Variants in TRRAP observed in about 807,000 individuals in gnomAD.
TRRAP encodes the protein transformation/transcription domain associated protein.
In TRRAP, 41 loss-of-function variants were observed where a neutral mutation model predicts 438.8. That is an observed-to-expected ratio of 0.09 (90% CI 0.07 to 0.12). The LOEUF (loss-of-function observed/expected upper bound fraction) is 0.12, where lower values mean the gene tolerates loss of function less well. Ranked by LOEUF, TRRAP falls within the 10% of genes least tolerant of loss-of-function variation. The pLI, the probability that TRRAP is intolerant of heterozygous loss-of-function variation, is 1.00. For synonymous variants in TRRAP, 1,994 were observed against 1,962.9 expected (o/e 1.02, Z -0.42); for missense variants, 3,122 against 5,055.1 (o/e 0.62, Z 11.60).
At chr7:98,893,995 T>A in intron 6 of TRRAP, 114 bp downstream of exon 6, 1 of 908,496 alleles carries the variant, frequency 1.1e-6, no homozygotes, top group African/African-American at 1.7e-5. Context: ...AGTGTAGAAA[T>A]ACAGCCTAAG....
At position 98,959,416 on chromosome 7, in the gene TRRAP, A is replaced by T. The variant is rs1324324166; in HGVS notation, c.6415A>T (p.Thr2139Ser). 21 of 1,613,858 alleles carry T rather than the reference A, an allele frequency of 1.3e-5. No individual in the cohort carries two copies. The highest frequency in any genetic ancestry group is 1.8e-5 in the Non-Finnish European group (21 of 1,180,018). ...TCGCCGGTGTGTGAACCTTCTGAAGACTGCGTTGCGGCCAGACATGTGGCC... is the reference window on the plus strand; with the variant it reads ...TCGCCGGTGTGTGAACCTTCTGAAGTCTGCGTTGCGGCCAGACATGTGGCC... ...LSRRCVNLLK[T>S]ALRPDMWPKS... The change falls in exon 45 of 73, where the codon ACT (threonine) becomes TCT (serine). Residue 2139 changes from threonine to serine, a missense_variant. Physicochemically the swap from Thr to Ser is moderately conservative, Grantham distance 58 (BLOSUM62 1). Around this residue, in one of 24 missense-constraint regions of TRRAP, gnomAD observed 992 missense variants for 1,281.2 expected, o/e 0.77. Transcript: ENST00000456197.
Position 99,012,199 on chromosome 7 carries a change from G to A in TRRAP, c.11466G>A (p.Val3822=). The change falls in exon 73 of 73, where the codon GTG becomes GTA. Residue 3822 remains valine (V), a synonymous_variant. Coordinates refer to ENST00000456197, the MANE Select transcript of TRRAP (RefSeq NM_001375524.1). The surrounding 1 kb of genome is among the most constrained non-coding windows in gnomAD (Gnocchi z 5.9). ...AGAACATGGACAGCCAGCAACTGGT[G>A]TCCCTGGTTCAGAAAGCCGTCACCG... The part of the protein sequence containing the change: ...QPENMDSQQL[V]SLVQKAVTAI... 6.2e-7 allele frequency: 1 copy of A among 1,614,174 alleles called. No individual in the cohort carries two copies. Among genetic ancestry groups the A allele is most frequent in the Non-Finnish European group, 8.5e-7 (1 of 1,180,028 alleles).
chr7:98,940,449 C>G (rs1040028141), intron 30 of TRRAP, among the ~76,000 whole-genome samples: 1 of 152,118 alleles, frequency 6.6e-6, no homozygotes, highest in Non-Finnish European at 1.5e-5. Flanking sequence ...CCTGGCCCAG[C>G]CTGTTTATTT....
intron 69 of TRRAP, among the ~76,000 whole-genome samples, chr7:99,008,152 A>G (rs570049423): frequency 6.6e-6 from 1 of 152,282 alleles, no homozygotes; most frequent in Admixed American, 6.5e-5. Context: ...TGCCTTCTAA[A>G]GCATTTCTGT....
intron 31 of TRRAP, among the ~76,000 whole-genome samples, chr7:98,944,811 A>G (rs928523995): frequency 1.4e-5 from 2 of 147,700 alleles, no homozygotes; most frequent in Non-Finnish European, 3.0e-5. Context: ...GCCCTCGAGC[A>G]TTTTTTTTTT....
chr7:98,916,078 G>A (rs548384196), intron 19 of TRRAP, among the ~76,000 whole-genome samples, 190 bp downstream of exon 19: 1 of 151,602 alleles, frequency 6.6e-6, no homozygotes, highest in East Asian at 1.9e-4. Flanking sequence ...TTTGAAGGGC[G>A]CTGCCTTCAG....
At chr7:98,995,950 C>T in intron 67 of TRRAP, among the ~76,000 whole-genome samples, 1 of 149,702 alleles carries the variant, frequency 6.7e-6, no homozygotes, top group East Asian at 2.0e-4. Flanking sequence ...ACACTCCCGT[C>T]CCATCCTCGC....
rs1351553115 is a variant in TRRAP at position 98,930,842 on chromosome 7, G to A, written c.3591+12G>A. The A allele has an allele frequency of 6.2e-7, 1 of 1,614,030 alleles. No individual in the cohort carries two copies. Among genetic ancestry groups the A allele is most frequent in the Non-Finnish European group, 8.5e-7 (1 of 1,179,990 alleles). Reference sequence around the variant, plus strand: ...ACTTAACTGGAGAGGTAGGTGATGGGTGGCCCCAAACCTAACCATGCTGTT... The same window carrying A: ...ACTTAACTGGAGAGGTAGGTGATGGATGGCCCCAAACCTAACCATGCTGTT... On this transcript the variant is annotated intron_variant, in intron 25 of 72. Coordinates refer to ENST00000456197, the MANE Select transcript of TRRAP (RefSeq NM_001375524.1).
chr7:98,943,682 T>G (rs1186265168), intron 31 of TRRAP, among the ~76,000 whole-genome samples: 1 of 152,386 alleles, frequency 6.6e-6, no homozygotes. Context: ...GCATGCTTTC[T>G]GCTGTTTTAA....
chr7:98,929,423 G>C (rs1790219873), intron 23 of TRRAP, among the ~76,000 whole-genome samples: 1 of 152,048 alleles, frequency 6.6e-6, no homozygotes, highest in African/African-American at 2.4e-5. Flanking sequence ...TTCTCATTTT[G>C]AACTAATATA....
intron 28 of TRRAP, among the ~76,000 whole-genome samples, chr7:98,936,897 G>A (rs1224254508): frequency 5.3e-5 from 8 of 152,246 alleles, no homozygotes; most frequent in East Asian, 1.9e-4. Flanking sequence ...AAGAGGGCTC[G>A]TGGTTCATAT....
rs762744715 is a variant in TRRAP at position 98,983,308 on chromosome 7, C to T, written c.8871C>T (p.Asn2957=). ...IIELQEAAQI[N]AGLQPTNLGR... is the part of the protein sequence containing the mutation. ...AACTCCAGGAAGCTGCACAAATCAACGCAGGCTTACAGCCAACCAACCTGG... is the reference window on the plus strand; with the variant it reads ...AACTCCAGGAAGCTGCACAAATCAATGCAGGCTTACAGCCAACCAACCTGG... Residue 2957 remains asparagine, a synonymous_variant, in exon 60 of 73, where the codon AAC becomes AAT. Transcript: ENST00000456197. 6.1e-5 allele frequency: 98 copies of T among 1,614,118 alleles called. No individual in the cohort carries two copies. The South Asian group carries it at 8.2e-4, about 14-fold the overall frequency.
chr7:98,922,000 C>CA (rs782555620), intron 21 of TRRAP, 47 bp downstream of exon 21: 1 of 1,610,796 alleles, frequency 6.2e-7, no homozygotes, highest in South Asian at 1.1e-5. Context: ...TGTGAAGATA[C>CA]TATGTTTCAG....
At chr7:98,938,663 A>G (rs369963508) in intron 30 of TRRAP, among the ~76,000 whole-genome samples, 1 of 152,252 alleles carries the variant, frequency 6.6e-6, no homozygotes, top group Admixed American at 6.5e-5. Flanking sequence ...ACCTCATGAC[A>G]TGAACTTGCC....
chr7:98,983,978 C>A, intron 60 of TRRAP, 115 bp from the exon 61 acceptor site: 1 of 1,318,526 alleles, frequency 7.6e-7, no homozygotes, highest in South Asian at 1.7e-5. Flanking sequence ...TATCACAGAG[C>A]TGCCCATTTT....
intron 57 of TRRAP, 124 bp from the exon 58 acceptor site, chr7:98,978,645 C>G: frequency 7.4e-7 from 1 of 1,347,602 alleles, no homozygotes; most frequent in East Asian, 2.3e-5. Flanking sequence ...CCACAGAAGT[C>G]CACTCTTACT....
chr7:98,944,624 T>G (rs1554416393), intron 31 of TRRAP, among the ~76,000 whole-genome samples: 1 of 152,204 alleles, frequency 6.6e-6, no homozygotes, highest in East Asian at 1.9e-4. Flanking sequence ...AACAGGGCCA[T>G]GGCTTCATCA....
rs1790405810 is a variant in TRRAP, at chr7:98,933,182, A to G, written c.3853-59A>G. The G allele has an allele frequency of 2.2e-5, 33 of 1,501,794 alleles. 1 individual carries two copies. In the South Asian group the frequency reaches 4.0e-4, roughly 18 times the overall value. The allele number at this position is 1,501,794 out of a possible 1,614,324, so 93.0% of individuals were successfully genotyped here. A position where few individuals can be genotyped will look rare whatever the true frequency, so the allele number is the denominator to read the frequency against. ...TCAAACATGGTTTTCACATTTTTAA[A>G]AAGTGTTTGTGTCTCAAGGGGCAGC... On this transcript the variant is annotated intron_variant, in intron 26 of 72. Transcript: ENST00000456197.
intron 65 of TRRAP, among the ~76,000 whole-genome samples, chr7:98,993,158 C>G (rs1018966688): frequency 1.3e-5 from 2 of 152,276 alleles, no homozygotes; most frequent in African/African-American, 4.8e-5. Flanking sequence ...AGATATTTTT[C>G]CAAACATTTA....
Sources: allele counts gnomAD v4.1 joint callset (sites outside exome capture counted in the v4.1 genomes callset), GRCh38; gene constraint gnomAD v4.1.1; regional missense constraint gnomAD v4.1.1; non-coding constraint Gnocchi (gnomAD v3.1); transcripts MANE v1.5; gene names NCBI Gene and HGNC (gene_info 2026-07-23, HGNC 2026-07-21).